ADD3: variants seen among roughly 807,000 people sequenced by gnomAD.
The protein encoded by ADD3 is adducin 3.
A neutral mutation model predicts 80.2 loss-of-function variants in ADD3; 25 were observed. The ratio of observed to expected loss-of-function variants is 0.31; its 90% confidence interval spans 0.23 to 0.44. The LOEUF is 0.44. ADD3 is among the 20% of genes least tolerant of loss of function. The pLI, the probability that ADD3 is intolerant of heterozygous loss-of-function variation, is 1.00. For missense variants in ADD3, 829 were observed against 847.5 expected (o/e 0.98, Z 0.27); for synonymous variants, 284 against 289.6 (o/e 0.98, Z 0.20).
At chr10:110,117,516 T>G in intron 5 of ADD3, 94 bp downstream of exon 5, 2 of 736,400 alleles carry the variant, frequency 2.7e-6, no homozygotes, top group Admixed American at 2.5e-5. Flanking sequence ...TAAGAAGGTA[T>G]GGATGGAAAA....
chr10:110,068,067 C>A (rs113087420), intron 1 of ADD3, among the ~76,000 whole-genome samples: 2 of 152,288 alleles, frequency 1.3e-5, no homozygotes, highest in South Asian at 4.1e-4. Context: ...CAGTGTTCCA[C>A]CCCCTTGAAA....
intron 3 of ADD3, among the ~76,000 whole-genome samples, chr10:110,115,635 G>T (rs1383257929): frequency 2.0e-5 from 3 of 152,186 alleles, no homozygotes; most frequent in African/African-American, 7.2e-5. Context: ...AGGAATAAGA[G>T]ATCTAGGATA....
At chr10:110,127,168 A>G (rs1410748824) in intron 12 of ADD3, among the ~76,000 whole-genome samples, 2 of 152,092 alleles carry the variant, frequency 1.3e-5, no homozygotes, top group Non-Finnish European at 2.9e-5. Flanking sequence ...CTGTTAGATC[A>G]GCTTTCGTTA....
chr10:110,002,434 C>T (rs755623485), upstream of ADD3, among the ~76,000 whole-genome samples: 2 of 151,902 alleles, frequency 1.3e-5, no homozygotes, highest in Non-Finnish European at 2.9e-5. Flanking sequence ...CCCCCCACAC[C>T]GGGCTAATTT....
chr10:110,022,198 G>T (rs1264172892), intron 1 of ADD3, among the ~76,000 whole-genome samples: 1 of 152,080 alleles, frequency 6.6e-6, no homozygotes, highest in Admixed American at 6.5e-5. Flanking sequence ...AAGCCTCTAT[G>T]ATGATCCTTT....
intron 1 of ADD3, among the ~76,000 whole-genome samples, chr10:110,096,542 A>G (rs1486248190): frequency 6.6e-6 from 1 of 152,200 alleles, no homozygotes; most frequent in Non-Finnish European, 1.5e-5. Flanking sequence ...TTGACTGAGT[A>G]GCACCTTACC....
chr10:110,013,612 C>A (rs888945664), intron 1 of ADD3, among the ~76,000 whole-genome samples: 2 of 152,108 alleles, frequency 1.3e-5, no homozygotes, highest in Non-Finnish European at 2.9e-5. Context: ...ATCACAGATA[C>A]GTTAAGGCAA....
chr10:110,061,229 C>T (rs1313625047), intron 1 of ADD3, among the ~76,000 whole-genome samples: 1 of 152,120 alleles, frequency 6.6e-6, no homozygotes, highest in Non-Finnish European at 1.5e-5. Context: ...AAATGACAGC[C>T]AAAGTAGATA....
At chr10:110,066,200 T>C (rs986881126) in intron 1 of ADD3, among the ~76,000 whole-genome samples, 1 of 152,192 alleles carries the variant, frequency 6.6e-6, no homozygotes, top group Non-Finnish European at 1.5e-5. Flanking sequence ...GGGAGACTTT[T>C]TCCATTCAGC....
chr10:110,084,349 G>T (rs1846437628), intron 1 of ADD3, among the ~76,000 whole-genome samples: 1 of 152,168 alleles, frequency 6.6e-6, no homozygotes, highest in African/African-American at 2.4e-5. Context: ...GTAACATGAG[G>T]CATTACCTGG....
At chr10:110,093,581 AAC>A (rs1847810971) in intron 1 of ADD3, among the ~76,000 whole-genome samples, 1 of 152,226 alleles carries the variant, frequency 6.6e-6, no homozygotes, top group East Asian at 1.9e-4. Context: ...ATCAATAGCC[AAC>A]GTAGTCTCCT....
intron 1 of ADD3, among the ~76,000 whole-genome samples, chr10:110,017,032 G>T (rs1589735510): frequency 6.6e-6 from 1 of 152,208 alleles, no homozygotes; most frequent in South Asian, 2.1e-4. Context: ...ATTTTTGTTA[G>T]CCTTTAAAAC....
chr10:110,072,796 G>C (rs571250660), intron 1 of ADD3, among the ~76,000 whole-genome samples: 1 of 152,348 alleles, frequency 6.6e-6, no homozygotes, highest in East Asian at 1.9e-4. Context: ...CTCTGAGAGA[G>C]TAAGAGCTAC....
chr10:110,102,936 T>G (rs1848991370), intron 2 of ADD3, among the ~76,000 whole-genome samples: 1 of 152,214 alleles, frequency 6.6e-6, no homozygotes, highest in African/African-American at 2.4e-5. Flanking sequence ...CTTGGGGAAC[T>G]TAGTGAAATA....
chr10:110,027,958 T>C (rs2225363), intron 1 of ADD3, among the ~76,000 whole-genome samples: 141,261 of 152,200 alleles, frequency 0.93, 65,859 homozygotes, highest in East Asian at 1. Context: ...GAAAAGGTTG[T>C]GGGGGGAAGA....
chr10:110,026,351 G>T (rs1032252059), intron 1 of ADD3, among the ~76,000 whole-genome samples: 4 of 147,510 alleles, frequency 2.7e-5, no homozygotes, highest in African/African-American at 7.7e-5. Flanking sequence ...GCGTGATCTC[G>T]GCTCACTGCA....
Position 110,040,108 on chromosome 10 carries a change from G to A in ADD3, c.-30+31809G>A, listed in dbSNP as rs560874845. On this transcript the variant is annotated intron_variant, in intron 1 of 14. Coordinates refer to ENST00000356080, the MANE Select transcript of ADD3 (RefSeq NM_016824.5). ...GTTGTGAATACCAGGAGGATGGGAT[G>A]GTTAGGGACTTCTTAGAGGTTGCCT... Among the ~76,000 whole-genome samples, 10 of 152,324 alleles carry A rather than the reference G, an allele frequency of 6.6e-5. No homozygotes were observed. In the South Asian group the frequency reaches 2.1e-3, roughly 32 times the overall value.
chr10:110,050,392 CT>C (rs1857374028), intron 1 of ADD3, among the ~76,000 whole-genome samples: 1 of 151,972 alleles, frequency 6.6e-6, no homozygotes, highest in Non-Finnish European at 1.5e-5. Flanking sequence ...GGGGTTTCCC[CT>C]TTAACTTGGC....
intron 1 of ADD3, among the ~76,000 whole-genome samples, chr10:110,084,721 C>A (rs950195397): frequency 8.5e-5 from 13 of 152,164 alleles, no homozygotes; most frequent in African/African-American, 3.1e-4. Context: ...TTTTGGCTCT[C>A]ATTAGGTAAT....
Sources: gnomAD v4.1 joint callset for allele counts (sites outside exome capture counted in the v4.1 genomes callset) on GRCh38, gnomAD v4.1.1 for gene constraint, MANE v1.5 for transcripts, NCBI Gene and HGNC (gene_info 2026-07-23, HGNC 2026-07-21) for gene names.